PAN3: variants seen among roughly 807,000 people sequenced by gnomAD.
PAN3 encodes the protein PAN2-PAN3 deadenylation complex subunit PAN3.
In PAN3, 19 loss-of-function variants were observed where a neutral mutation model predicts 96.2. The ratio of observed to expected loss-of-function variants is 0.20; its 90% CI spans 0.14 to 0.29. The LOEUF is 0.29. Ranked by LOEUF, PAN3 falls within the 10% of genes least tolerant of loss-of-function variation. PAN3 has a pLI of 1.00. For synonymous variants in PAN3, 433 were observed against 406.6 expected (o/e 1.06, Z -0.78); for missense variants, 882 against 1,108.1 (o/e 0.80, Z 2.90).
intron 18 of PAN3, among the ~76,000 whole-genome samples, chr13:28,289,307 A>G (rs1869400064): frequency 6.7e-6 from 1 of 150,244 alleles, no homozygotes; most frequent in Admixed American, 6.6e-5. Context: ...CGGGGTTTTG[A>G]TCTGTCACCC....
At chr13:28,223,527 C>A (rs182217431) in intron 6 of PAN3, among the ~76,000 whole-genome samples, 2 of 151,634 alleles carry the variant, frequency 1.3e-5, no homozygotes, top group Non-Finnish European at 2.9e-5. Flanking sequence ...GGTTCACAGC[C>A]TTCCAAAATT....
intron 18 of PAN3, among the ~76,000 whole-genome samples, chr13:28,290,914 A>G (rs1278492756): frequency 1.3e-5 from 2 of 151,046 alleles, no homozygotes. Flanking sequence ...AGCCATGGAC[A>G]GTTGCCTTAA....
intron 9 of PAN3, among the ~76,000 whole-genome samples, chr13:28,266,377 T>TA (rs1455754673): frequency 6.6e-6 from 1 of 152,200 alleles, no homozygotes. Flanking sequence ...ATAAACCTGA[T>TA]AAAATGTTTG....
rs556626564 is a variant in PAN3 at position 28,259,309 on chromosome 13, G to T, written c.1249-1138G>T. Among the ~76,000 whole-genome samples the T allele has an allele frequency of 4.1e-4, 61 of 148,732 alleles. No homozygotes were observed. The East Asian group carries it at 4.7e-3, about 12-fold the overall frequency. On this transcript the variant is annotated intron_variant, in intron 7 of 18. Transcript: ENST00000380958. ...AGCCTGGCTAATTTGTGTTTTTTTT[G>T]TTGTTTTTTTTTTTGAGATGGAGTC... is the stretch of plus-strand genomic sequence containing the variant.
chr13:28,172,133 T>G (rs561640916), intron 1 of PAN3, among the ~76,000 whole-genome samples: 4 of 152,290 alleles, frequency 2.6e-5, no homozygotes, highest in African/African-American at 9.6e-5. Context: ...AAATATGTAT[T>G]TCTTTCGCAG....
chr13:28,209,822 C>T (rs1423817472), intron 5 of PAN3, among the ~76,000 whole-genome samples: 4 of 152,040 alleles, frequency 2.6e-5, no homozygotes, highest in South Asian at 2.1e-4. Flanking sequence ...TCTCCTTTTA[C>T]CACTCTGGAG....
At chr13:28,241,911 CAT>C (rs1204364018) in intron 6 of PAN3, among the ~76,000 whole-genome samples, 6 of 152,146 alleles carry the variant, frequency 3.9e-5, no homozygotes, top group African/African-American at 7.2e-5. Flanking sequence ...TTCAAGATGA[CAT>C]ATGTTTTATT....
intron 5 of PAN3, among the ~76,000 whole-genome samples, chr13:28,212,697 A>T (rs566272145): frequency 6.6e-6 from 1 of 152,228 alleles, no homozygotes; most frequent in African/African-American, 2.4e-5. Context: ...ATAGTGTCTG[A>T]AATGAATAAT....
At chr13:28,172,401 A>G (rs942772817) in intron 1 of PAN3, among the ~76,000 whole-genome samples, 1 of 152,130 alleles carries the variant, frequency 6.6e-6, no homozygotes, top group Non-Finnish European at 1.5e-5. Context: ...GCTTGCAGTG[A>G]GCCGAGATCA....
At chr13:28,283,365 T>C (rs1164368690) in intron 17 of PAN3, among the ~76,000 whole-genome samples, 5 of 152,160 alleles carry the variant, frequency 3.3e-5, no homozygotes, top group African/African-American at 1.2e-4. Context: ...TTATTCTTAT[T>C]AATTAAATTT....
At chr13:28,195,506 T>C (rs556220053) in intron 4 of PAN3, among the ~76,000 whole-genome samples, 1 of 151,544 alleles carries the variant, frequency 6.6e-6, no homozygotes, top group African/African-American at 2.4e-5. Flanking sequence ...TTTGTCCTTG[T>C]TTTTTTTTGT....
rs573392740 is a variant in PAN3, at chr13:28,170,904, C to G, written c.431-3368C>G. On this transcript the variant is annotated intron_variant, in intron 1 of 18. Coordinates refer to ENST00000380958, the MANE Select transcript of PAN3 (RefSeq NM_175854.8). ...CTCTGCCTCCCAGGTTCAAGTGATTCTCCTGCCTCAGCCTCCCGAGTAGCT... is the reference window on the plus strand; with the variant it reads ...CTCTGCCTCCCAGGTTCAAGTGATTGTCCTGCCTCAGCCTCCCGAGTAGCT... Among the ~76,000 whole-genome samples the G allele has an allele frequency of 6.2e-4, 95 of 152,248 alleles. No individual in the cohort carries two copies. In the Middle Eastern group the frequency reaches 0.01, roughly 16 times the overall value.
chr13:28,202,975 T>C (rs1307977470), intron 5 of PAN3, among the ~76,000 whole-genome samples: 5 of 152,096 alleles, frequency 3.3e-5, no homozygotes, highest in Non-Finnish European at 5.9e-5. Flanking sequence ...TAATTTTTTT[T>C]CCCCCCAGAC....
intron 6 of PAN3, among the ~76,000 whole-genome samples, chr13:28,233,625 T>C (rs79277427): frequency 0.028 from 4,272 of 152,270 alleles, 106 homozygotes; most frequent in Non-Finnish European, 0.04. Flanking sequence ...GAAAAGTATA[T>C]TGTGTAGCTG....
At chr13:28,151,302 T>G (rs1293110794) in intron 1 of PAN3, among the ~76,000 whole-genome samples, 1 of 152,068 alleles carries the variant, frequency 6.6e-6, no homozygotes, top group African/African-American at 2.4e-5. Context: ...GATCACCAGG[T>G]CAGGAGATCA....
At chr13:28,165,638 A>G (rs923835813) in intron 1 of PAN3, among the ~76,000 whole-genome samples, 11 of 152,128 alleles carry the variant, frequency 7.2e-5, no homozygotes, top group African/African-American at 2.7e-4. Context: ...TTATTATTCT[A>G]TAGTGTCTTA....
At position 28,144,203 on chromosome 13, in the gene PAN3, GTTTTTTTGTTTTTTTTTT is replaced by G. The variant is rs1231023361; in HGVS notation, c.430+5124_430+5141del. Among the ~76,000 whole-genome samples, 7 of 129,026 alleles carry G rather than the reference GTTTTTTTGTTTTTTTTTT, an allele frequency of 5.4e-5. No individual in the cohort carries two copies. The East Asian group carries it at 1.6e-3, about 29-fold the overall frequency. The allele number at this position is 129,026 out of a possible 152,430, so 84.6% of individuals were successfully genotyped here. On this transcript the variant is annotated intron_variant, in intron 1 of 18. Transcript: ENST00000380958. ...ATAAGGTAATACTTGGTTTCGATAA[GTTTTTTTGTTTTTTTTTT>G]TTTTTTTTTTTTTGATATGGAGTCT...
intron 6 of PAN3, among the ~76,000 whole-genome samples, chr13:28,227,944 G>T (rs1404807196): frequency 1.3e-5 from 2 of 152,178 alleles, no homozygotes; most frequent in African/African-American, 4.8e-5. Context: ...GAAGCAGAGA[G>T]AACAGGTGTA....
At chr13:28,238,593 A>AT (rs750398137) in intron 6 of PAN3, among the ~76,000 whole-genome samples, 41 of 152,152 alleles carry the variant, frequency 2.7e-4, no homozygotes, top group Non-Finnish European at 5.3e-4. Context: ...TTTAATTAGG[A>AT]TAGATTTTCA....
Sources: allele counts gnomAD v4.1 joint callset (sites outside exome capture counted in the v4.1 genomes callset), GRCh38; gene constraint gnomAD v4.1.1; transcripts MANE v1.5; gene names NCBI Gene and HGNC (gene_info 2026-07-23, HGNC 2026-07-21).